SERPINA4: variants seen among roughly 807,000 people sequenced by gnomAD.
The protein encoded by SERPINA4 is kallistatin.
In SERPINA4, 24 loss-of-function variants were observed where a neutral mutation model predicts 25.4. That is an observed-to-expected ratio of 0.95 (90% CI 0.69 to 1.33). The LOEUF (loss-of-function observed/expected upper bound fraction) is 1.33, where lower values mean the gene tolerates loss of function less well. Ranked by LOEUF, SERPINA4 falls within the 40% of genes most tolerant of loss-of-function variation. The pLI, the probability that SERPINA4 is intolerant of heterozygous loss-of-function variation, is 0.00. For synonymous variants in SERPINA4, 242 were observed against 223.6 expected (o/e 1.08, Z -0.73); for missense variants, 553 against 535.8 (o/e 1.03, Z -0.32).
chr14:94,562,207 T>G (rs1253365112), intron 1 of SERPINA4, among the ~76,000 whole-genome samples: 2 of 152,214 alleles, frequency 1.3e-5, no homozygotes, highest in Non-Finnish European at 2.9e-5. Flanking sequence ...TGTGGCTGTT[T>G]CCAGCTGCCA....
intron 1 of SERPINA4, among the ~76,000 whole-genome samples, chr14:94,561,961 C>G (rs1315480854): frequency 1.3e-5 from 2 of 152,130 alleles, no homozygotes; most frequent in Non-Finnish European, 2.9e-5. Flanking sequence ...CAGGGGTCAA[C>G]AAACCACAGC....
In SERPINA4 at chr14:94,564,032, G is replaced by A. The variant is rs748691639; in HGVS notation, c.550G>A (p.Asp184Asn). Reference sequence around the variant, plus strand: ...TGTGGGCACAATCCAGCTTATCAACGACCACGTCAAGAAGGAAACTCGAGG... The same window carrying A: ...TGTGGGCACAATCCAGCTTATCAACAACCACGTCAAGAAGGAAACTCGAGG... ...DTVGTIQLIN[D>N]HVKKETRGKI... The change falls in exon 2 of 5, where the codon GAC becomes AAC. Residue 184 changes from aspartate (D) to asparagine (N), a missense_variant. Asp to Asn is a conservative substitution (Grantham distance 23). Coordinates refer to ENST00000557004, the MANE Select transcript of SERPINA4 (RefSeq NM_006215.4). The A allele has an allele frequency of 2.2e-5, 35 of 1,612,704 alleles. No individual in the cohort carries two copies. Among genetic ancestry groups the A allele is most frequent in the Admixed American group, 1.5e-4 (9 of 60,010 alleles).
At position 94,563,751 on chromosome 14, in the gene SERPINA4, C is replaced by T; in HGVS notation, c.269C>T (p.Ser90Phe). ...ATCTCGGCGGCCTACGCCATGCTTT[C>T]CCTGGGGGCCTGCTCACACAGCCGC... Reference protein sequence around the residue: ...LSISAAYAMLSLGACSHSRSQ... With the variant: ...LSISAAYAMLFLGACSHSRSQ... Residue 90 changes from serine to phenylalanine, a missense_variant, in exon 2 of 5, where the codon TCC becomes TTC. By Grantham distance (155) the Ser-to-Phe change is radical (BLOSUM62 -2). Transcript: ENST00000557004. 6.2e-7 allele frequency: 1 copy of T among 1,614,102 alleles called. No homozygotes were observed. Among genetic ancestry groups the T allele is most frequent in the Non-Finnish European group, 8.5e-7 (1 of 1,180,030 alleles).
chr14:94,567,353 T>TTC, intron 3 of SERPINA4, 110 bp downstream of exon 3: 1 of 1,185,122 alleles, frequency 8.4e-7, no homozygotes, highest in Non-Finnish European at 1.2e-6. Context: ...TATGAGAGAA[T>TTC]TCTCACTTGC....
In SERPINA4 at chr14:94,563,812, C is replaced by T. The variant is rs141308668; in HGVS notation, c.330C>T (p.Thr110=). 432 of 1,614,204 alleles carry T rather than the reference C, an allele frequency of 2.7e-4. 2 individuals are homozygous for T. In the South Asian group the frequency reaches 4.1e-3, roughly 15 times the overall value. ...QILEGLGFNL[T]ELSESDVHRG... The stretch of plus-strand genomic sequence containing the variant: ...TTGAGGGCCTGGGCTTCAACCTCAC[C>T]GAGCTGTCTGAGTCCGATGTCCATA... The change falls in exon 2 of 5, where the codon ACC becomes ACT. Residue 110 remains threonine (T), a synonymous_variant. Transcript: ENST00000557004.
Position 94,566,993 on chromosome 14 carries a change from T to G in SERPINA4, c.673T>G (p.Ser225Ala), listed in dbSNP as rs1902233509. 1 of 1,613,612 alleles carries G rather than the reference T, an allele frequency of 6.2e-7. No individual in the cohort carries two copies. The highest frequency in any genetic ancestry group is 8.5e-7 in the Non-Finnish European group (1 of 1,179,704). Residue 225 changes from serine to alanine, a missense_variant, in exon 3 of 5, where the codon TCC (serine) becomes GCC (alanine). Transcript: ENST00000557004. Reference sequence around the variant, plus strand: ...AGCCCTGTGGGAGAAACCATTCATTTCCTCAAGGACCACTCCCAAAGACTT... The same window carrying G: ...AGCCCTGTGGGAGAAACCATTCATTGCCTCAAGGACCACTCCCAAAGACTT... ...FKALWEKPFI[S>A]SRTTPKDFYV... is the part of the protein sequence containing the mutation.
Position 94,563,948 on chromosome 14 carries a change from C to A in SERPINA4, c.466C>A (p.Leu156Met). The stretch of plus-strand genomic sequence containing the variant: ...CAACCTGAAGTTCCTTGCAAAATTC[C>A]TGAATGACACCATGGCCGTCTATGA... ...SHNLKFLAKF[L>M]NDTMAVYEAK... Residue 156 changes from leucine (L) to methionine (M), a missense_variant, in exon 2 of 5, where the codon CTG becomes ATG. Physicochemically the swap from Leu to Met is conservative, Grantham distance 15. Transcript: ENST00000557004. 6.2e-7 allele frequency: 1 copy of A among 1,614,216 alleles called. No homozygotes were observed. Among genetic ancestry groups the A allele is most frequent in the Middle Eastern group, 1.6e-4 (1 of 6,062 alleles).
At position 94,563,662 on chromosome 14, in the gene SERPINA4, C is replaced by A; in HGVS notation, c.180C>A (p.Phe60Leu). 6.2e-7 allele frequency: 1 copy of A among 1,613,924 alleles called. No individual in the cohort carries two copies. Among genetic ancestry groups the A allele is most frequent in the Non-Finnish European group, 8.5e-7 (1 of 1,180,038 alleles). The change falls in exon 2 of 5, where the codon TTC (phenylalanine) becomes TTA (leucine). Residue 60 changes from phenylalanine (F) to leucine (L), a missense_variant. By Grantham distance (22) the Phe-to-Leu change is conservative. Coordinates refer to ENST00000557004, the MANE Select transcript of SERPINA4 (RefSeq NM_006215.4). ...CCCCTGCCAATGCTGACTTTGCCTTCCGCTTCTACTACCTGATCGCTTCGG... is the reference window on the plus strand; with the variant it reads ...CCCCTGCCAATGCTGACTTTGCCTTACGCTTCTACTACCTGATCGCTTCGG... Reference protein sequence around the residue: ...KIAPANADFAFRFYYLIASET... With the variant: ...KIAPANADFALRFYYLIASET...
intron 2 of SERPINA4, among the ~76,000 whole-genome samples, chr14:94,566,160 C>T (rs1215938702): frequency 6.6e-6 from 1 of 152,162 alleles, no homozygotes; most frequent in Non-Finnish European, 1.5e-5. Flanking sequence ...TTGGTTTTCC[C>T]TCCCTCTATC....
At chr14:94,568,481 A>G (rs972473048) in intron 4 of SERPINA4, among the ~76,000 whole-genome samples, 193 bp downstream of exon 4, 1 of 152,144 alleles carries the variant, frequency 6.6e-6, no homozygotes, top group Admixed American at 6.5e-5. Context: ...ATAGTGTTGA[A>G]CCAGCCCCTG....
At chr14:94,561,665 C>T in intron 1 of SERPINA4, 171 bp downstream of exon 1, 1 of 1,288,476 alleles carries the variant, frequency 7.8e-7, no homozygotes, top group South Asian at 1.2e-5. Flanking sequence ...GTGAGAAATA[C>T]TCAGGCTAGA....
chr14:94,565,772 C>T (rs181142718), intron 2 of SERPINA4, among the ~76,000 whole-genome samples: 6 of 152,082 alleles, frequency 3.9e-5, no homozygotes, highest in East Asian at 1.9e-4. Context: ...GCAGGAGAAT[C>T]GCTTGAACCC....
At chr14:94,567,664 G>A (rs569678636) in intron 3 of SERPINA4, among the ~76,000 whole-genome samples, 2 of 152,158 alleles carry the variant, frequency 1.3e-5, no homozygotes, top group Non-Finnish European at 2.9e-5. Flanking sequence ...CATCACTCTG[G>A]TTATGATTGG....
chr14:94,563,057 A>C (rs964662645), intron 1 of SERPINA4, among the ~76,000 whole-genome samples: 4 of 152,226 alleles, frequency 2.6e-5, no homozygotes, highest in Non-Finnish European at 5.9e-5. Context: ...AAATCAACTC[A>C]TCTGAAAGAC....
At chr14:94,562,098 C>T (rs1000254353) in intron 1 of SERPINA4, among the ~76,000 whole-genome samples, 3 of 152,076 alleles carry the variant, frequency 2.0e-5, no homozygotes, top group Non-Finnish European at 4.4e-5. Flanking sequence ...AGAAGAACAA[C>T]ATTTTGTGAC....
chr14:94,561,926 G>A, intron 1 of SERPINA4: 3 of 1,257,942 alleles, frequency 2.4e-6, no homozygotes, highest in Non-Finnish European at 3.1e-6. Context: ...AGAAAGACTA[G>A]GAAGCTTTCT....
At chr14:94,561,859 C>T (rs965663344) in intron 1 of SERPINA4, 37 of 1,289,530 alleles carry the variant, frequency 2.9e-5, no homozygotes, top group South Asian at 3.7e-5. Context: ...GTGAGTGATG[C>T]GGTCCTATGT....
intron 1 of SERPINA4, 55 bp from the exon 2 acceptor site, chr14:94,563,411 T>C (rs1902086041): frequency 6.5e-7 from 1 of 1,528,368 alleles, no homozygotes; most frequent in Non-Finnish European, 8.8e-7. Flanking sequence ...GCCTTCTCAG[T>C]AGGGCCAGGT....
chr14:94,568,760 G>A (rs1220872910), intron 4 of SERPINA4, among the ~76,000 whole-genome samples: 2 of 151,902 alleles, frequency 1.3e-5, no homozygotes, highest in African/African-American at 2.4e-5. Flanking sequence ...TATTCAGGAG[G>A]CTGAGGTAGG....
Sources: gnomAD v4.1 joint callset for allele counts (sites outside exome capture counted in the v4.1 genomes callset) on GRCh38, gnomAD v4.1.1 for gene constraint, MANE v1.5 for transcripts, NCBI Gene and HGNC (gene_info 2026-07-23, HGNC 2026-07-21) for gene names.